PCDHA6: variants seen among roughly 807,000 people sequenced by gnomAD.
PCDHA6 encodes the protein protocadherin alpha-6.
A neutral mutation model predicts 60.3 loss-of-function variants in PCDHA6; 55 were observed. The ratio of observed to expected loss-of-function variants is 0.91; its 90% CI spans 0.73 to 1.14. The LOEUF is 1.14. PCDHA6 is among the 50% of genes most tolerant of loss of function. PCDHA6 has a pLI of 0.00. For synonymous variants in PCDHA6, 652 were observed against 557.9 expected, an observed-to-expected ratio of 1.17 and a Z score of -2.38; for missense variants, 1,327 against 1,256.5, an observed-to-expected ratio of 1.06 and a Z score of -0.85.
chr5:140,842,551 C>CACCAACTG, intron 1 of PCDHA6: 1 of 1,596,422 alleles, frequency 6.3e-7, no homozygotes, highest in Non-Finnish European at 8.6e-7. Flanking sequence ...TGGTGCTGGA[C>CACCAACTG]AGCGCCCTGG....
rs570631397 is a variant in PCDHA6, at chr5:140,879,658, A to G, written c.2394+49173A>G. Among the ~76,000 whole-genome samples the G allele has an allele frequency of 1.1e-4, 16 of 152,350 alleles. No homozygotes were observed. The South Asian group carries it at 3.1e-3, about 30-fold the overall frequency. ...TCGCTTCCTGTGGCTGCTATAACAA[A>G]CGAACACAAACTGGGTGCTGTAAAA... On this transcript the variant is annotated intron_variant, in intron 1 of 3. Transcript: ENST00000529310.
intron 3 of PCDHA6, among the ~76,000 whole-genome samples, chr5:141,007,525 G>C (rs782132903): frequency 1.3e-4 from 19 of 151,814 alleles, no homozygotes; most frequent in Non-Finnish European, 2.5e-4. Context: ...CTGATATCTC[G>C]CCACTGCACT....
In PCDHA6 at chr5:140,828,778, G is replaced by C. The variant is rs2150158815; in HGVS notation, c.687G>C (p.Leu229=). The C allele has an allele frequency of 1.2e-6, 2 of 1,614,140 alleles. No individual in the cohort carries two copies. Among genetic ancestry groups the C allele is most frequent in the Non-Finnish European group, 1.7e-6 (2 of 1,179,994 alleles). The change falls in exon 1 of 4, where the codon CTG becomes CTC. Residue 229 remains leucine, a synonymous_variant. Transcript: ENST00000529310. ...AGCTCACAGGCACTGTTCAGCTGCT[G>C]GTCACAGTGCTGGATGTGAATGATA... is the stretch of plus-strand genomic sequence containing the variant. ...KPELTGTVQL[L]VTVLDVNDNA...
At chr5:140,882,811 C>T in intron 1 of PCDHA6, 2 of 1,614,192 alleles carry the variant, frequency 1.2e-6, no homozygotes, top group Non-Finnish European at 8.5e-7. Flanking sequence ...TCACTTTGGA[C>T]GCACAAAACA....
In PCDHA6 at chr5:140,982,523, G is replaced by A; in HGVS notation, c.2502G>A (p.Gly834=). Residue 834 remains glycine (G), a synonymous_variant, in exon 3 of 4, where the codon GGG becomes GGA. Coordinates refer to ENST00000529310, the MANE Select transcript of PCDHA6 (RefSeq NM_018909.4). ...EAGILRAGPG[G]PDQQWPTVSS... ...GCATTCTACGGGCTGGTCCAGGAGGGCCTGATCAGCAGTGGCCAACAGTAT... is the reference window on the plus strand; with the variant it reads ...GCATTCTACGGGCTGGTCCAGGAGGACCTGATCAGCAGTGGCCAACAGTAT... 6.2e-7 allele frequency: 1 copy of A among 1,614,220 alleles called. No individual in the cohort carries two copies. The highest frequency in any genetic ancestry group is 8.5e-7 in the Non-Finnish European group (1 of 1,180,034).
rs2150220427 is a variant in PCDHA6 at position 140,834,530 on chromosome 5, G to T, written c.2394+4045G>T. 6.8e-6 allele frequency: 11 copies of T among 1,614,068 alleles called. No individual in the cohort carries two copies. In the South Asian group the frequency reaches 1.1e-4, roughly 16 times the overall value. ...ATGGCAACTTCGTGGGCCGCATCGC[G>T]CAGGACCTGGGGCTGGAGCTGGCGG... is the stretch of plus-strand genomic sequence containing the variant. On this transcript the variant is annotated intron_variant, in intron 1 of 3. Coordinates refer to ENST00000529310, the MANE Select transcript of PCDHA6 (RefSeq NM_018909.4).
intron 1 of PCDHA6, chr5:140,850,379 G>A: frequency 1.3e-6 from 2 of 1,597,906 alleles, no homozygotes; most frequent in Non-Finnish European, 1.7e-6. Flanking sequence ...GGCTGTACAC[G>A]GGCGAGATCA....
chr5:140,977,464 T>C (rs1245985019), intron 1 of PCDHA6, among the ~76,000 whole-genome samples: 1 of 152,256 alleles, frequency 6.6e-6, no homozygotes, highest in Non-Finnish European at 1.5e-5. Flanking sequence ...TGATTTGGTC[T>C]GTAGATAATT....
chr5:140,869,136 C>T (rs1554162510), intron 1 of PCDHA6: 5 of 1,613,054 alleles, frequency 3.1e-6, no homozygotes, highest in South Asian at 1.1e-5. Context: ...GATTGGGCAC[C>T]CCACGACTAC....
chr5:140,938,065 C>A (rs2091903151), intron 1 of PCDHA6, among the ~76,000 whole-genome samples: 1 of 152,094 alleles, frequency 6.6e-6, no homozygotes, highest in Admixed American at 6.5e-5. Context: ...TACTGTCATG[C>A]TATTCCCAAA....
chr5:140,835,085 C>T (rs2150230592), intron 1 of PCDHA6: 2 of 1,227,056 alleles, frequency 1.6e-6, no homozygotes, highest in Admixed American at 2.4e-5. Context: ...CGGTACTGGA[C>T]AACAATGACA....
intron 3 of PCDHA6, among the ~76,000 whole-genome samples, chr5:140,987,711 T>C (rs2097265419): frequency 6.6e-6 from 1 of 152,208 alleles, no homozygotes; most frequent in South Asian, 2.1e-4. Flanking sequence ...TTTCCAGGTA[T>C]GAGTCTATCC....
At position 140,830,261 on chromosome 5, in the gene PCDHA6, T is replaced by C. The variant is rs1554132677; in HGVS notation, c.2170T>C (p.Ser724Pro). Residue 724 changes from serine to proline, a missense_variant, in exon 1 of 4, where the codon TCG (serine) becomes CCG (proline). By Grantham distance (74) the Ser-to-Pro change is moderately conservative (BLOSUM62 -1). Coordinates refer to ENST00000529310, the MANE Select transcript of PCDHA6 (RefSeq NM_018909.4). Reference sequence around the variant, plus strand: ...ACTGCTGTACACAGCGCTGCGGTGCTCGGCGCCACCCACCGAGGGCGCGTG... The same window carrying C: ...ACTGCTGTACACAGCGCTGCGGTGCCCGGCGCCACCCACCGAGGGCGCGTG... ...TLLLYTALRCSAPPTEGACTA... is the reference protein window; with the variant it reads ...TLLLYTALRCPAPPTEGACTA... 1.2e-6 allele frequency: 2 copies of C among 1,613,550 alleles called. No individual in the cohort carries two copies. Among genetic ancestry groups the C allele is most frequent in the African/African-American group, 1.3e-5 (1 of 75,008 alleles).
chr5:140,929,715 T>A, intron 1 of PCDHA6: 1 of 230,486 alleles, frequency 4.3e-6, no homozygotes, highest in East Asian at 9.8e-5. Flanking sequence ...ATATGGAAGG[T>A]GAAACATTTA....
At position 140,965,675 on chromosome 5, in the gene PCDHA6, A is replaced by G. The variant is rs1049081993; in HGVS notation, c.2395-13274A>G. ...AAATGTCTTGGGTGATAAATGTAAA[A>G]GATTTGAAGCAAGATTAGAAAAAGC... On this transcript the variant is annotated intron_variant, in intron 1 of 3. Transcript: ENST00000529310. Among the ~76,000 whole-genome samples, 4 of 152,350 alleles carry G rather than the reference A, an allele frequency of 2.6e-5. No homozygotes were observed. The East Asian group carries it at 7.7e-4, about 29-fold the overall frequency.
chr5:140,942,615 A>G (rs1310858123), intron 1 of PCDHA6, among the ~76,000 whole-genome samples: 1 of 101,274 alleles, frequency 9.9e-6, no homozygotes, highest in African/African-American at 4.7e-5. Context: ...ATATTTGCCA[A>G]TTGTAAAAAA....
At chr5:140,920,636 G>C (rs1477753704) in intron 1 of PCDHA6, among the ~76,000 whole-genome samples, 1 of 152,096 alleles carries the variant, frequency 6.6e-6, no homozygotes, top group Non-Finnish European at 1.5e-5. Context: ...ACAAGGTCAA[G>C]AGATTGAGAC....
intron 1 of PCDHA6, chr5:140,850,308 G>C: frequency 6.3e-7 from 1 of 1,597,160 alleles, no homozygotes; most frequent in Non-Finnish European, 8.6e-7. Flanking sequence ...GGGCTACAAC[G>C]CGTGGCTTTC....
At chr5:140,922,980 A>G (rs2081098580) in intron 1 of PCDHA6, among the ~76,000 whole-genome samples, 1 of 152,244 alleles carries the variant, frequency 6.6e-6, no homozygotes, top group African/African-American at 2.4e-5. Flanking sequence ...TATCTCAGAC[A>G]ATAGGCAAGC....
Sources: gnomAD v4.1 joint callset for allele counts (sites outside exome capture counted in the v4.1 genomes callset) on GRCh38, gnomAD v4.1.1 for gene constraint, MANE v1.5 for transcripts, NCBI Gene and HGNC (gene_info 2026-07-23, HGNC 2026-07-21) for gene names.